FRYL: variants seen among roughly 807,000 people sequenced by gnomAD.
The protein encoded by FRYL is protein furry homolog-like.
In FRYL, 150 loss-of-function variants were observed where a neutral mutation model predicts 351.2. The ratio of observed to expected loss-of-function variants is 0.43; its 90% CI spans 0.37 to 0.49. The LOEUF is 0.49. Among genes scored for constraint, FRYL ranks in the 20% least tolerant of loss-of-function variants. The pLI is 0.00. For synonymous variants in FRYL, 1,153 were observed against 1,257.1 expected (o/e 0.92, Z 1.75); for missense variants, 3,036 against 3,619.3 (o/e 0.84, Z 4.13).
intron 3 of FRYL, among the ~76,000 whole-genome samples, chr4:48,640,773 C>T (rs530146263): frequency 3.3e-5 from 5 of 151,834 alleles, no homozygotes; most frequent in African/African-American, 1.2e-4. Flanking sequence ...TCTGTAAACC[C>T]GAAATTATGC....
intron 3 of FRYL, among the ~76,000 whole-genome samples, chr4:48,643,366 C>T (rs1197535128): frequency 6.6e-6 from 1 of 152,186 alleles, no homozygotes; most frequent in Non-Finnish European, 1.5e-5. Flanking sequence ...CTGCTGCTAA[C>T]TTAGGCTGCT....
chr4:48,581,656 T>A, intron 20 of FRYL, 51 bp from the exon 21 acceptor site: 1 of 1,458,596 alleles, frequency 6.9e-7, no homozygotes, highest in Non-Finnish European at 9.2e-7. Flanking sequence ...GCACAGACAT[T>A]TCCGAAAAAC....
At chr4:48,673,699 A>C (rs1340212883) in intron 3 of FRYL, among the ~76,000 whole-genome samples, 1 of 152,254 alleles carries the variant, frequency 6.6e-6, no homozygotes, top group African/African-American at 2.4e-5. Flanking sequence ...AAAAGGCCTC[A>C]AATAATTTTA....
At chr4:48,571,580 C>A (rs1473515697) in intron 26 of FRYL, 70 of 852,242 alleles carry the variant, frequency 8.2e-5, no homozygotes, top group Non-Finnish European at 9.3e-5. Flanking sequence ...TATTACAGAG[C>A]AAATTAAAAC....
At chr4:48,671,840 GA>G (rs1281640900) in intron 3 of FRYL, among the ~76,000 whole-genome samples, 1 of 106,664 alleles carries the variant, frequency 9.4e-6, no homozygotes, top group Non-Finnish European at 1.7e-5. Flanking sequence ...GCGAGAGAGA[GA>G]GACTCCGTCT....
At chr4:48,592,462 C>T (rs1743619288) in intron 16 of FRYL, among the ~76,000 whole-genome samples, 1 of 151,966 alleles carries the variant, frequency 6.6e-6, no homozygotes, top group Non-Finnish European at 1.5e-5. Context: ...CCACCTCCCC[C>T]ACAGAAAAAA....
chr4:48,555,750 A>G (rs1392569218), intron 35 of FRYL, among the ~76,000 whole-genome samples: 2 of 152,220 alleles, frequency 1.3e-5, no homozygotes, highest in Admixed American at 6.5e-5. Flanking sequence ...ACAGTTCTCT[A>G]AGCACTTCTC....
chr4:48,590,945 G>A, intron 16 of FRYL, 115 bp from the exon 17 acceptor site: 1 of 708,354 alleles, frequency 1.4e-6, no homozygotes, highest in South Asian at 2.0e-5. Context: ...AAGGAAGATA[G>A]AAGGAACACT....
intron 1 of FRYL, among the ~76,000 whole-genome samples, chr4:48,737,624 T>A (rs1298027189): frequency 6.6e-6 from 1 of 152,216 alleles, no homozygotes; most frequent in Non-Finnish European, 1.5e-5. Context: ...AAACTCATTC[T>A]ATGACGCTAG....
In FRYL at chr4:48,708,306, A is replaced by AT. The variant is rs1560294207; in HGVS notation, c.-204+2212dup. The stretch of plus-strand genomic sequence containing the variant: ...AAAAAATAAATAAATAAATAAATAA[A>AT]TAAAAATAAAATTAGCCAGGCATGG... On this transcript the variant is annotated intron_variant, in intron 2 of 63. Transcript: ENST00000358350. 5.5e-4 allele frequency among the ~76,000 whole-genome samples: 4 copies of AT among 7,326 alleles called. No homozygotes were observed. In the East Asian group the frequency reaches 0.14, roughly 262 times the overall value. The allele number at this position is 7,326 out of a possible 152,430, so 4.8% of individuals were successfully genotyped here.
intron 16 of FRYL, among the ~76,000 whole-genome samples, chr4:48,592,935 TAAAC>T (rs972574883): frequency 2.0e-5 from 3 of 152,098 alleles, no homozygotes; most frequent in Non-Finnish European, 4.4e-5. Context: ...AATAAGAAAA[TAAAC>T]AGATAACACC....
At chr4:48,776,155 T>A (rs1219929038) in intron 1 of FRYL, among the ~76,000 whole-genome samples, 1 of 150,322 alleles carries the variant, frequency 6.7e-6, no homozygotes, top group African/African-American at 2.4e-5. Context: ...TTCGTTTCTT[T>A]TTTTTTTTTT....
intron 4 of FRYL, among the ~76,000 whole-genome samples, chr4:48,624,514 A>T (rs1351898835): frequency 6.6e-6 from 1 of 152,202 alleles, no homozygotes; most frequent in East Asian, 1.9e-4. Flanking sequence ...GTATAGAAAG[A>T]TCACCATTGG....
chr4:48,770,587 AC>A (rs1187548769), intron 1 of FRYL, among the ~76,000 whole-genome samples: 14 of 151,816 alleles, frequency 9.2e-5, no homozygotes, highest in Non-Finnish European at 2.9e-5. Flanking sequence ...ACAGGCATGC[AC>A]TACCACGCCT....
In FRYL at chr4:48,563,961, C is replaced by A; in HGVS notation, c.3583G>T (p.Val1195Phe). ...AAGCFKAIANVFQNRDYQCDT... is the reference protein window; with the variant it reads ...AAGCFKAIANFFQNRDYQCDT... The stretch of plus-strand genomic sequence containing the variant: ...TATCTAAAGTACCTGTTCTGGAAAA[C>A]ATTAGCAATGGCTTTAAAGCAGCCG... Residue 1195 changes from valine to phenylalanine, a missense_variant, in exon 31 of 64, where the codon GTT (valine) becomes TTT (phenylalanine). This residue lies in a region of FRYL where 1,987 missense variants were observed against 2,311.7 expected (regional missense o/e 0.86). Transcript: ENST00000358350. The A allele has an allele frequency of 6.2e-7, 1 of 1,613,732 alleles. No homozygotes were observed. The highest frequency in any genetic ancestry group is 1.1e-5 in the South Asian group (1 of 91,008).
At chr4:48,520,971 G>T in intron 55 of FRYL, 77 bp downstream of exon 55, 1 of 1,072,956 alleles carries the variant, frequency 9.3e-7, no homozygotes. Context: ...AAACTTTTTT[G>T]AAAGAAAAGC....
At position 48,606,490 on chromosome 4, in the gene FRYL, C is replaced by T. The variant is rs375439437; in HGVS notation, c.689G>A (p.Arg230Gln). The change falls in exon 10 of 64, where the codon CGA (arginine) becomes CAA (glutamine). Residue 230 changes from arginine to glutamine, a missense_variant. Arg to Gln is a conservative substitution (Grantham distance 43). Transcript: ENST00000358350. ...ISLIMGMKFF[R>Q]VKMYPVEDFE... ...ATCTTCTACAGGATACATTTTTACT[C>T]GAAAAAATTTCATTCCCATTATTAA... 48 of 1,612,198 alleles carry T rather than the reference C, an allele frequency of 3.0e-5. No homozygotes were observed. The highest frequency in any genetic ancestry group is 3.8e-5 in the Non-Finnish European group (45 of 1,178,772).
chr4:48,718,230 A>T (rs1769085453), intron 1 of FRYL, among the ~76,000 whole-genome samples: 2 of 151,682 alleles, frequency 1.3e-5, no homozygotes, highest in Admixed American at 1.3e-4. Flanking sequence ...TATTACATCA[A>T]AAATGAGTGC....
intron 49 of FRYL, among the ~76,000 whole-genome samples, chr4:48,534,313 A>G (rs1728394921): frequency 6.6e-6 from 1 of 152,214 alleles, no homozygotes; most frequent in African/African-American, 2.4e-5. Context: ...CCTTCCTGTC[A>G]TTACAGAACA....
Sources: gnomAD v4.1 joint callset for allele counts (sites outside exome capture counted in the v4.1 genomes callset) on GRCh38, gnomAD v4.1.1 for gene constraint, gnomAD v4.1.1 regional missense constraint, MANE v1.5 for transcripts, NCBI Gene and HGNC (gene_info 2026-07-23, HGNC 2026-07-21) for gene names.